The following ASRGL1 variants were observed in gnomAD, a reference collection of about 807,000 sequenced individuals.
ASRGL1 encodes the protein isoaspartyl peptidase/L-asparaginase.
In ASRGL1, 16 loss-of-function variants were observed where a neutral mutation model predicts 22.4. That is an observed-to-expected ratio of 0.71 (90% confidence interval 0.48 to 1.08). The LOEUF is 1.08. ASRGL1 is among the 50% of genes least tolerant of loss of function. The pLI is 0.00. For missense variants in ASRGL1, 412 were observed against 410.1 expected (o/e 1.00, Z -0.04); for synonymous variants, 165 against 159.3 (o/e 1.04, Z -0.27).
chr11:62,398,996 C>T, the ASRGL1 span, among the ~76,000 whole-genome samples: 827 of 152,278 alleles, frequency 5.4e-3, 13 homozygotes, highest in South Asian at 0.059. Flanking sequence ...TGGTGAAACC[C>T]CGTGTCTACT....
intron 2 of ASRGL1, among the ~76,000 whole-genome samples, chr11:62,342,758 C>CAA (rs199845646): frequency 7.6e-6 from 1 of 130,758 alleles, no homozygotes; most frequent in Admixed American, 7.8e-5. Flanking sequence ...ACTCTGTCTC[C>CAA]AAAAAAAAAA....
chr11:62,376,239 C>A (rs968796409), intron 4 of ASRGL1, among the ~76,000 whole-genome samples: 3 of 150,318 alleles, frequency 2.0e-5, no homozygotes, highest in African/African-American at 7.3e-5. Flanking sequence ...AGTGGCTCCG[C>A]TTTCTTGGTG....
chr11:62,400,071 T>C, the ASRGL1 span, among the ~76,000 whole-genome samples: 1 of 152,264 alleles, frequency 6.6e-6, no homozygotes, highest in South Asian at 2.1e-4. Context: ...GCTCCAGGGA[T>C]TCCTCCTGCT....
intron 4 of ASRGL1, among the ~76,000 whole-genome samples, chr11:62,363,302 G>A (rs866340635): frequency 1.1e-4 from 16 of 151,966 alleles, no homozygotes; most frequent in South Asian, 1.0e-3. Context: ...CAAAAATGAT[G>A]TTCCAACAAA....
chr11:62,373,624 C>T (rs74347164), intron 4 of ASRGL1, among the ~76,000 whole-genome samples: 3 of 152,352 alleles, frequency 2.0e-5, no homozygotes, highest in South Asian at 2.1e-4. Flanking sequence ...GCGAAGTCGC[C>T]GGCCCACCTC....
At chr11:62,400,394 C>G in the ASRGL1 span, among the ~76,000 whole-genome samples, 1 of 152,154 alleles carries the variant, frequency 6.6e-6, no homozygotes. Flanking sequence ...CCAGAGTGAG[C>G]CGTTCCTTTT....
At chr11:62,375,684 T>C (rs183114319) in intron 4 of ASRGL1, among the ~76,000 whole-genome samples, 37 of 151,620 alleles carry the variant, frequency 2.4e-4, no homozygotes, top group Non-Finnish European at 4.3e-4. Flanking sequence ...ATTATTAACA[T>C]ATATTTCAGT....
chr11:62,370,149 AAT>A (rs2134652102), intron 4 of ASRGL1, among the ~76,000 whole-genome samples: 1 of 152,260 alleles, frequency 6.6e-6, no homozygotes, highest in East Asian at 1.9e-4. Context: ...CTTCAGTCAA[AAT>A]ATGGATGGAT....
chr11:62,352,174 C>T (rs1337283004), intron 2 of ASRGL1, among the ~76,000 whole-genome samples: 1 of 152,064 alleles, frequency 6.6e-6, no homozygotes, highest in Admixed American at 6.6e-5. Flanking sequence ...AGTCCTGAAC[C>T]AATAGGATTA....
intron 2 of ASRGL1, among the ~76,000 whole-genome samples, chr11:62,355,844 G>C (rs537949913): frequency 6.6e-6 from 1 of 151,674 alleles, no homozygotes; most frequent in Admixed American, 6.6e-5. Flanking sequence ...TGCTGCCTTC[G>C]AGCATTTGTT....
At position 62,391,605 on chromosome 11, in the gene ASRGL1, A is replaced by G. The variant is rs774978351; in HGVS notation, c.694A>G (p.Arg232Gly). Reference sequence around the variant, plus strand: ...AAGCATCCTGAAGGTGAACCTGGCTAGACTCACCCTGTTCCACATAGAACA... The same window carrying G: ...AAGCATCCTGAAGGTGAACCTGGCTGGACTCACCCTGTTCCACATAGAACA... ...GESILKVNLA[R>G]LTLFHIEQGK... Residue 232 changes from arginine to glycine, a missense_variant, in exon 6 of 7, where the codon AGA becomes GGA. Transcript: ENST00000415229. The G allele has an allele frequency of 2.5e-6, 4 of 1,611,396 alleles. No homozygotes were observed. The highest frequency in any genetic ancestry group is 2.7e-5 in the African/African-American group (2 of 74,888).
downstream of ASRGL1, among the ~76,000 whole-genome samples, chr11:62,397,970 G>A (rs545176830): frequency 1.3e-5 from 2 of 152,114 alleles, no homozygotes; most frequent in South Asian, 4.1e-4. Flanking sequence ...TGGGTAGTTA[G>A]GGCCCCGGGC....
intron 2 of ASRGL1, among the ~76,000 whole-genome samples, chr11:62,350,224 A>G (rs1946137911): frequency 6.6e-6 from 1 of 152,152 alleles, no homozygotes; most frequent in Non-Finnish European, 1.5e-5. Context: ...TTTCTCATTC[A>G]GCATTTTTGC....
chr11:62,370,735 T>C (rs891559395), intron 4 of ASRGL1, among the ~76,000 whole-genome samples: 2 of 152,192 alleles, frequency 1.3e-5, no homozygotes, highest in African/African-American at 4.8e-5. Flanking sequence ...GAATTCATCA[T>C]TTTGTAATAT....
At chr11:62,340,311 A>C (rs1006382439) in intron 2 of ASRGL1, among the ~76,000 whole-genome samples, 2 of 152,116 alleles carry the variant, frequency 1.3e-5, no homozygotes, top group African/African-American at 2.4e-5. Context: ...AATGAGACCT[A>C]ATAGTGTGCT....
intron 4 of ASRGL1, chr11:62,371,587 T>C (rs1299929130): frequency 1.5e-6 from 1 of 681,194 alleles, no homozygotes; most frequent in Non-Finnish European, 2.8e-6. Context: ...CCACAGGGAC[T>C]TCCTCACAAA....
chr11:62,364,983 C>A (rs952054362), intron 4 of ASRGL1, among the ~76,000 whole-genome samples: 1 of 150,824 alleles, frequency 6.6e-6, no homozygotes, highest in African/African-American at 2.4e-5. Context: ...GCAGTGGAAT[C>A]GCTTGAACCT....
intron 2 of ASRGL1, among the ~76,000 whole-genome samples, chr11:62,350,809 A>T (rs1026286975): frequency 2.0e-5 from 3 of 152,212 alleles, no homozygotes; most frequent in Non-Finnish European, 2.9e-5. Context: ...AAAGAAAAAT[A>T]AAATTATCCA....
chr11:62,389,309 T>C, intron 5 of ASRGL1, 58 bp downstream of exon 5: 1 of 1,436,114 alleles, frequency 7.0e-7, no homozygotes, highest in Non-Finnish European at 9.8e-7. Flanking sequence ...CAGGCTTTCC[T>C]CACTCTCTAT....
Sources: allele counts gnomAD v4.1 joint callset (sites outside exome capture counted in the v4.1 genomes callset), GRCh38; gene constraint gnomAD v4.1.1; transcripts MANE v1.5; gene names NCBI Gene and HGNC (gene_info 2026-07-23, HGNC 2026-07-21).